PCCA: variants seen among roughly 807,000 people sequenced by gnomAD.
PCCA encodes the protein propionyl-CoA carboxylase alpha chain, mitochondrial.
In PCCA, 74 loss-of-function variants were observed where a neutral mutation model predicts 101.3. That is an observed-to-expected ratio of 0.73 (90% CI 0.61 to 0.89). The LOEUF (loss-of-function observed/expected upper bound fraction) is 0.89, where lower values mean the gene tolerates loss of function less well. PCCA is among the 40% of genes least tolerant of loss of function. The probability of loss-of-function intolerance (pLI) is 0.00; values close to 1 mark genes in which losing one functional copy is unlikely to be tolerated. For synonymous variants in PCCA, 294 were observed against 313.6 expected, an observed-to-expected ratio of 0.94 and a Z score of 0.66; for missense variants, 891 against 907.0, an observed-to-expected ratio of 0.98 and a Z score of 0.23.
chr13:100,129,011 G>C (rs530449644), intron 4 of PCCA, among the ~76,000 whole-genome samples: 35 of 152,152 alleles, frequency 2.3e-4, no homozygotes, highest in African/African-American at 8.2e-4. Context: ...CTCTCTCTCT[G>C]TGACGTCTCT....
intron 6 of PCCA, among the ~76,000 whole-genome samples, chr13:100,167,330 C>G (rs1340631485): frequency 6.6e-6 from 1 of 152,048 alleles, no homozygotes; most frequent in African/African-American, 2.4e-5. Flanking sequence ...AGGTGGATCT[C>G]TTGAGTCCAA....
At chr13:100,360,210 C>T (rs2074420842) in intron 18 of PCCA, among the ~76,000 whole-genome samples, 1 of 151,534 alleles carries the variant, frequency 6.6e-6, no homozygotes, top group South Asian at 2.1e-4. Context: ...TCTCGTGAGA[C>T]TCCTTCACTA....
intron 11 of PCCA, among the ~76,000 whole-genome samples, chr13:100,270,231 T>C (rs573724746): frequency 1.3e-5 from 2 of 152,350 alleles, no homozygotes; most frequent in Non-Finnish European, 2.9e-5. Flanking sequence ...TTACTTGGTG[T>C]TGATCTGAAG....
rs2065757856 is a variant in PCCA at position 100,298,612 on chromosome 13, TCCC to T, written c.1066-2847_1066-2845del. On this transcript the variant is annotated intron_variant, in intron 12 of 23. Coordinates refer to ENST00000376285, the MANE Select transcript of PCCA (RefSeq NM_000282.4). ...CTTTTCCCTCCCTCCCTCCCTCCCC[TCCC>T]TCCCTCCCTCCCTCCCCTCCCTCCC... Among the ~76,000 whole-genome samples, 2 of 1,080 alleles carry T rather than the reference TCCC, an allele frequency of 1.9e-3. 1 individual carries two copies. The highest frequency in any genetic ancestry group is 3.3e-3 in the Non-Finnish European group (2 of 614). The allele number at this position is 1,080 out of a possible 152,430, so 0.7% of individuals were successfully genotyped here.
chr13:100,527,046 C>T (rs963075597), intron 22 of PCCA, among the ~76,000 whole-genome samples: 2 of 151,418 alleles, frequency 1.3e-5, no homozygotes, highest in Admixed American at 6.6e-5. Flanking sequence ...GCGCCAGGGC[C>T]GAGCTGTTCC....
chr13:100,257,102 CA>C (rs2062127940), intron 8 of PCCA, among the ~76,000 whole-genome samples: 1 of 152,124 alleles, frequency 6.6e-6, no homozygotes, highest in African/African-American at 2.4e-5. Context: ...TCCCCAATAC[CA>C]TCATGTCACT....
intron 12 of PCCA, among the ~76,000 whole-genome samples, chr13:100,282,325 G>C (rs1177344822): frequency 1.3e-5 from 2 of 152,266 alleles, no homozygotes; most frequent in African/African-American, 2.4e-5. Context: ...CGCCTCCTCT[G>C]CCTGGGCTCC....
chr13:100,245,143 T>C (rs2061363318), intron 8 of PCCA, among the ~76,000 whole-genome samples: 1 of 152,160 alleles, frequency 6.6e-6, no homozygotes, highest in Admixed American at 6.5e-5. Flanking sequence ...AATATAACTA[T>C]TTTGTGATTT....
intron 21 of PCCA, among the ~76,000 whole-genome samples, chr13:100,510,655 A>G (rs2086412251): frequency 6.6e-6 from 1 of 152,232 alleles, no homozygotes; most frequent in Admixed American, 6.5e-5. Flanking sequence ...TGCCTGTTGC[A>G]TCTTTTCTAA....
intron 7 of PCCA, among the ~76,000 whole-genome samples, chr13:100,224,095 C>T (rs1006880760): frequency 6.6e-6 from 1 of 152,198 alleles, no homozygotes; most frequent in Non-Finnish European, 1.5e-5. Flanking sequence ...CACCGTGGAG[C>T]AGGGGGCGGC....
intron 21 of PCCA, among the ~76,000 whole-genome samples, chr13:100,511,331 G>A (rs1460448888): frequency 6.6e-6 from 1 of 152,210 alleles, no homozygotes; most frequent in African/African-American, 2.4e-5. Context: ...GAATATTTGA[G>A]TGTTGCTCTC....
At chr13:100,484,366 A>G (rs2152972903) in intron 21 of PCCA, among the ~76,000 whole-genome samples, 1 of 152,340 alleles carries the variant, frequency 6.6e-6, no homozygotes, top group African/African-American at 2.4e-5. Context: ...AAATGCTTAG[A>G]TGCTAAAAGC....
Position 100,309,816 on chromosome 13 carries a change from T to G in PCCA, c.1354-17T>G, listed in dbSNP as rs1338526588. On this transcript the variant is annotated splice_polypyrimidine_tract_variant and intron_variant, in intron 15 of 23. Coordinates refer to ENST00000376285, the MANE Select transcript of PCCA (RefSeq NM_000282.4). The stretch of plus-strand genomic sequence containing the variant: ...AAATATATATATATATTGGGTTTTT[T>G]GTTTGCTTGTTTTTAGCTAATCACA... The G allele has an allele frequency of 1.9e-6, 3 of 1,582,586 alleles. No homozygotes were observed. Among genetic ancestry groups the G allele is most frequent in the Non-Finnish European group, 2.6e-6 (3 of 1,151,946 alleles).
chr13:100,375,341 C>T (rs2075834163), intron 19 of PCCA, among the ~76,000 whole-genome samples: 1 of 152,132 alleles, frequency 6.6e-6, no homozygotes, highest in African/African-American at 2.4e-5. Flanking sequence ...AATGTATATT[C>T]TGTTGATTTG....
At chr13:100,168,465 C>CT (rs1162956421) in intron 6 of PCCA, among the ~76,000 whole-genome samples, 2 of 152,194 alleles carry the variant, frequency 1.3e-5, no homozygotes, top group South Asian at 2.1e-4. Flanking sequence ...CTTTTTTGGC[C>CT]TTTTTTGAAC....
chr13:100,164,613 G>T (rs910808604), intron 6 of PCCA, among the ~76,000 whole-genome samples: 25 of 152,164 alleles, frequency 1.6e-4, no homozygotes, highest in African/African-American at 5.8e-4. Context: ...ATATCATTCA[G>T]TTGAAATTAA....
chr13:100,389,604 G>A (rs1233038023), intron 19 of PCCA, among the ~76,000 whole-genome samples: 1 of 152,130 alleles, frequency 6.6e-6, no homozygotes, highest in Non-Finnish European at 1.5e-5. Flanking sequence ...ACCTGCACAT[G>A]TATCCCTGAA....
chr13:100,316,603 A>G (rs779710259), intron 16 of PCCA, among the ~76,000 whole-genome samples: 2 of 152,130 alleles, frequency 1.3e-5, no homozygotes, highest in African/African-American at 2.4e-5. Context: ...TTTTGTTCAA[A>G]TTGTCATTAA....
chr13:100,100,874 G>A (rs572876594), intron 1 of PCCA, among the ~76,000 whole-genome samples: 83 of 151,930 alleles, frequency 5.5e-4, no homozygotes, highest in Non-Finnish European at 1.0e-3. Flanking sequence ...TGCAACCTCG[G>A]CTCACTGCAA....
Sources: gnomAD v4.1 joint callset for allele counts (sites outside exome capture counted in the v4.1 genomes callset) on GRCh38, gnomAD v4.1.1 for gene constraint, MANE v1.5 for transcripts, NCBI Gene and HGNC (gene_info 2026-07-23, HGNC 2026-07-21) for gene names.